The following DLG2 variants were observed in gnomAD, a reference collection of about 807,000 sequenced individuals.
DLG2 encodes the protein discs large MAGUK scaffold protein 2.
A neutral mutation model predicts 132.5 loss-of-function variants in DLG2; 45 were observed. That is an observed-to-expected ratio of 0.34 (90% CI 0.27 to 0.44). The LOEUF (loss-of-function observed/expected upper bound fraction) is 0.44, where lower values mean the gene tolerates loss of function less well. DLG2 is among the 20% of genes least tolerant of loss of function. DLG2 has a pLI of 1.00. For synonymous variants in DLG2, 424 were observed against 419.6 expected, an observed-to-expected ratio of 1.01 and a Z score of -0.13; for missense variants, 1,045 against 1,196.9, an observed-to-expected ratio of 0.87 and a Z score of 1.87.
In DLG2 at chr11:84,039,218, AT is replaced by A. The variant is rs564403771; in HGVS notation, c.919+20096del. ...AGCTCCTCATTTTTTTTTCTAGTTAATTTTTTTTTTATTATTATACTTTAAG... is the reference window on the plus strand; with the variant it reads ...AGCTCCTCATTTTTTTTTCTAGTTAATTTTTTTTTATTATTATACTTTAAG... On this transcript the variant is annotated intron_variant, in intron 11 of 27. Transcript: ENST00000376104. Among the ~76,000 whole-genome samples the A allele has an allele frequency of 9.1e-4, 134 of 147,490 alleles. 1 individual carries two copies. The highest frequency in any genetic ancestry group is 7.0e-3 in the East Asian group (35 of 4,972).
At chr11:84,627,626 A>G (rs772729440) in intron 6 of DLG2, among the ~76,000 whole-genome samples, 1 of 152,240 alleles carries the variant, frequency 6.6e-6, no homozygotes, top group Admixed American at 6.5e-5. Flanking sequence ...ATGTAACTGT[A>G]TTAGGCTATT....
intron 6 of DLG2, among the ~76,000 whole-genome samples, chr11:84,981,589 T>C (rs2509057): frequency 0.67 from 102,055 of 152,050 alleles, 35,042 homozygotes; most frequent in East Asian, 0.92. Context: ...TATAAAACAA[T>C]AGACAGCATT....
At chr11:84,600,234 GAC>G (rs1565420594) in intron 6 of DLG2, among the ~76,000 whole-genome samples, 2 of 107,332 alleles carry the variant, frequency 1.9e-5, no homozygotes, top group East Asian at 2.1e-4. Context: ...GAGAAAGAAA[GAC>G]AGAAAAGCAA....
intron 6 of DLG2, among the ~76,000 whole-genome samples, chr11:84,690,040 A>G (rs1324821005): frequency 6.6e-6 from 1 of 151,978 alleles, no homozygotes; most frequent in East Asian, 1.9e-4. Flanking sequence ...GATCTCACTT[A>G]TATGTGGGAT....
chr11:83,921,724 T>C (rs981883989), intron 15 of DLG2, among the ~76,000 whole-genome samples: 4 of 152,192 alleles, frequency 2.6e-5, no homozygotes, highest in Admixed American at 6.5e-5. Context: ...TGTTTTCTTA[T>C]TGCTACCCAA....
chr11:83,657,447 T>G (rs1345768614), intron 18 of DLG2, among the ~76,000 whole-genome samples: 1 of 152,188 alleles, frequency 6.6e-6, no homozygotes, highest in Admixed American at 6.5e-5. Context: ...TATCAGTTAT[T>G]TACTTACTTG....
At chr11:84,252,234 C>T (rs2097393894) in intron 7 of DLG2, among the ~76,000 whole-genome samples, 1 of 142,438 alleles carries the variant, frequency 7.0e-6, no homozygotes, top group Non-Finnish European at 1.5e-5. Context: ...TCACTGCAAC[C>T]TCTGCCTCCC....
intron 11 of DLG2, among the ~76,000 whole-genome samples, chr11:84,042,849 A>T (rs2096127680): frequency 6.6e-6 from 1 of 151,866 alleles, no homozygotes; most frequent in Admixed American, 6.6e-5. Flanking sequence ...ACATGGACAC[A>T]TGGGGAAAAA....
At chr11:84,742,325 A>T (rs2064790652) in intron 6 of DLG2, among the ~76,000 whole-genome samples, 1 of 152,162 alleles carries the variant, frequency 6.6e-6, no homozygotes, top group Admixed American at 6.5e-5. Flanking sequence ...AAACCCAAAT[A>T]TGTTCTCTCT....
rs188447958 is a variant in DLG2, at chr11:83,819,128, A to C, written c.1722+14486T>G. ...CTGATGATGATCACGAGCCCCATCA[A>C]CAAAGGGAGTTCCCGCTCAGCATGG... On this transcript the variant is annotated intron_variant, in intron 17 of 27. Coordinates refer to ENST00000376104, the MANE Select transcript of DLG2 (RefSeq NM_001142699.3). Among the ~76,000 whole-genome samples the C allele has an allele frequency of 2.3e-3, 350 of 152,262 alleles. 3 individuals are homozygous for C. Among genetic ancestry groups the C allele is most frequent in the Middle Eastern group, 0.01 (3 of 294 alleles).
chr11:84,143,856 T>C (rs1422523282), intron 9 of DLG2, among the ~76,000 whole-genome samples: 1 of 152,142 alleles, frequency 6.6e-6, no homozygotes, highest in East Asian at 1.9e-4. Context: ...TCCCTGCTTT[T>C]GTTTTCAAAA....
chr11:85,425,542 G>A (rs1332338507), intron 3 of DLG2, among the ~76,000 whole-genome samples: 1 of 152,032 alleles, frequency 6.6e-6, no homozygotes, highest in Admixed American at 6.6e-5. Context: ...CTTTTAGAAT[G>A]TAACTTGTCA....
intron 11 of DLG2, among the ~76,000 whole-genome samples, chr11:84,058,113 C>T (rs550455698): frequency 0.012 from 1,852 of 152,176 alleles, 38 homozygotes; most frequent in African/African-American, 0.043. Flanking sequence ...TTAAATACCA[C>T]CCACTACTGC....
chr11:84,087,969 T>G (rs2097019019), intron 10 of DLG2, among the ~76,000 whole-genome samples: 1 of 152,254 alleles, frequency 6.6e-6, no homozygotes, highest in Non-Finnish European at 1.5e-5. Context: ...TGATCATTTT[T>G]AAATTGGGTT....
At chr11:85,617,090 T>C (rs2081388366) in intron 2 of DLG2, among the ~76,000 whole-genome samples, 1 of 152,066 alleles carries the variant, frequency 6.6e-6, no homozygotes. Context: ...AGAGTAAAGG[T>C]GAATTACAGA....
At chr11:84,596,016 G>T (rs1054265023) in intron 6 of DLG2, among the ~76,000 whole-genome samples, 4 of 152,154 alleles carry the variant, frequency 2.6e-5, no homozygotes, top group Non-Finnish European at 5.9e-5. Context: ...GAGCCACTCT[G>T]AAGAATCTGA....
At chr11:83,892,639 C>A (rs1014628245) in intron 15 of DLG2, among the ~76,000 whole-genome samples, 1 of 151,070 alleles carries the variant, frequency 6.6e-6, no homozygotes, top group Non-Finnish European at 1.5e-5. Flanking sequence ...ATAAAGGTAA[C>A]AATTTTTAAA....
chr11:83,489,723 G>A (rs927651856), intron 21 of DLG2, among the ~76,000 whole-genome samples: 1 of 152,008 alleles, frequency 6.6e-6, no homozygotes, highest in African/African-American at 2.4e-5. Context: ...ATATTGTGAA[G>A]GTAGATCTGT....
chr11:85,274,881 C>G (rs1369063366), intron 4 of DLG2, among the ~76,000 whole-genome samples: 1 of 152,144 alleles, frequency 6.6e-6, no homozygotes, highest in African/African-American at 2.4e-5. Context: ...AACAGACAGG[C>G]CTTGCTAGGT....
Sources: allele counts gnomAD v4.1 joint callset (sites outside exome capture counted in the v4.1 genomes callset), GRCh38; gene constraint gnomAD v4.1.1; transcripts MANE v1.5; gene names NCBI Gene and HGNC (gene_info 2026-07-23, HGNC 2026-07-21).